The following RPS6KC1 variants were observed in gnomAD, a reference collection of about 807,000 sequenced individuals.
The protein encoded by RPS6KC1 is inactive ribosomal protein S6 kinase delta-1.
RPS6KC1 carries 54 observed loss-of-function variants against 103.8 expected under a neutral mutation model. The ratio of observed to expected loss-of-function variants is 0.52; its 90% confidence interval spans 0.42 to 0.65. The LOEUF (loss-of-function observed/expected upper bound fraction) is 0.65. Among genes scored for constraint, RPS6KC1 ranks in the 30% least tolerant of loss-of-function variants. The probability of loss-of-function intolerance (pLI) is 0.00; values close to 1 mark genes in which losing one functional copy is unlikely to be tolerated. For synonymous variants in RPS6KC1, 439 were observed against 438.7 expected (o/e 1.00, Z -0.01); for missense variants, 1,151 against 1,253.8 (o/e 0.92, Z 1.24).
chr1:213,148,339 G>C (rs2088138753), intron 6 of RPS6KC1, among the ~76,000 whole-genome samples: 1 of 152,184 alleles, frequency 6.6e-6, no homozygotes. Flanking sequence ...TTATTAGGTT[G>C]AGGTGTGTTC....
the RPS6KC1 span, among the ~76,000 whole-genome samples, chr1:213,428,533 T>TTC: frequency 1.4e-5 from 1 of 73,814 alleles, no homozygotes; most frequent in Non-Finnish European, 2.9e-5. Flanking sequence ...TCTCTCTCTC[T>TTC]CTCTCTCTTT....
chr1:213,337,530 G>A, the RPS6KC1 span, among the ~76,000 whole-genome samples: 1 of 152,288 alleles, frequency 6.6e-6, no homozygotes, highest in Middle Eastern at 3.4e-3. Flanking sequence ...GGAGGTACGG[G>A]CAGCAGATGG....
At chr1:213,344,058 C>T in the RPS6KC1 span, among the ~76,000 whole-genome samples, 1 of 152,074 alleles carries the variant, frequency 6.6e-6, no homozygotes, top group Admixed American at 6.6e-5. Context: ...TCCCACATAG[C>T]TTTTCTAAAC....
chr1:213,820,650 G>A, the RPS6KC1 span: 1 of 152,130 alleles, frequency 6.6e-6, no homozygotes, highest in Non-Finnish European at 1.5e-5. Context: ...ATTGGAGAAG[G>A]CCCAGAAATA....
the RPS6KC1 span, among the ~76,000 whole-genome samples, chr1:213,831,884 C>T: frequency 6.0e-3 from 918 of 152,298 alleles, 9 homozygotes; most frequent in African/African-American, 0.021. Context: ...ACAGTGTCAG[C>T]CCCTACCTGG....
chr1:213,215,476 T>G (rs1304489671), intron 8 of RPS6KC1, among the ~76,000 whole-genome samples: 2 of 152,156 alleles, frequency 1.3e-5, no homozygotes. Flanking sequence ...CCAGGAGAAC[T>G]TCCCCAATCT....
At chr1:213,809,765 A>C in the RPS6KC1 span, among the ~76,000 whole-genome samples, 1 of 152,216 alleles carries the variant, frequency 6.6e-6, no homozygotes, top group Non-Finnish European at 1.5e-5. Context: ...CATACATCAG[A>C]GATCATGGTA....
At chr1:213,213,955 C>T (rs562180271) in intron 8 of RPS6KC1, among the ~76,000 whole-genome samples, 65 of 152,306 alleles carry the variant, frequency 4.3e-4, no homozygotes, top group African/African-American at 9.9e-4. Flanking sequence ...ATGAGCGACG[C>T]GGAAGACGAA....
At chr1:213,337,390 G>A in the RPS6KC1 span, among the ~76,000 whole-genome samples, 2 of 152,196 alleles carry the variant, frequency 1.3e-5, no homozygotes, top group Non-Finnish European at 2.9e-5. Context: ...TCTCTCCTCT[G>A]TAAATGAAGG....
the RPS6KC1 span, among the ~76,000 whole-genome samples, chr1:213,695,516 TAGA>T: frequency 4.3e-4 from 66 of 152,158 alleles, no homozygotes; most frequent in Non-Finnish European, 8.5e-4. Context: ...TGTCAGGAGA[TAGA>T]AGTGAGAAAG....
chr1:213,141,086 G>A (rs975564019), intron 6 of RPS6KC1, among the ~76,000 whole-genome samples: 2 of 151,816 alleles, frequency 1.3e-5, no homozygotes, highest in Non-Finnish European at 2.9e-5. Context: ...TAGTAGAGAC[G>A]GGGTTTCATC....
At chr1:213,580,700 G>C in the RPS6KC1 span, among the ~76,000 whole-genome samples, 8 of 152,002 alleles carry the variant, frequency 5.3e-5, no homozygotes, top group African/African-American at 1.9e-4. Context: ...CATCAACATA[G>C]AAGCAAGACC....
chr1:213,324,719 T>G, the RPS6KC1 span, among the ~76,000 whole-genome samples: 1 of 151,674 alleles, frequency 6.6e-6, no homozygotes, highest in Non-Finnish European at 1.5e-5. Context: ...TCATATCTAT[T>G]CCTACTAATC....
chr1:213,105,030 G>T (rs1440221934), intron 4 of RPS6KC1, among the ~76,000 whole-genome samples: 1 of 151,944 alleles, frequency 6.6e-6, no homozygotes, highest in African/African-American at 2.4e-5. Flanking sequence ...TTCAGTGGCA[G>T]ATTACTCTTG....
intron 6 of RPS6KC1, among the ~76,000 whole-genome samples, chr1:213,149,152 C>T (rs569986573): frequency 6.1e-4 from 93 of 151,944 alleles, no homozygotes; most frequent in African/African-American, 2.0e-3. Flanking sequence ...TGTATTATTT[C>T]ATTTCAGTTC....
At chr1:213,355,901 C>G in the RPS6KC1 span, among the ~76,000 whole-genome samples, 2 of 152,188 alleles carry the variant, frequency 1.3e-5, no homozygotes, top group Admixed American at 1.3e-4. Context: ...TAATCTTGGA[C>G]AGTTATTTAA....
chr1:213,860,908 A>T, the RPS6KC1 span, among the ~76,000 whole-genome samples: 1 of 151,870 alleles, frequency 6.6e-6, no homozygotes, highest in African/African-American at 2.4e-5. Flanking sequence ...TCCTGGGTTC[A>T]AGCGATTCTT....
intron 1 of RPS6KC1, among the ~76,000 whole-genome samples, chr1:213,063,946 A>C (rs1436570249): frequency 6.6e-6 from 1 of 152,110 alleles, no homozygotes; most frequent in Admixed American, 6.5e-5. Context: ...TTTTAAGATG[A>C]GTTGGTGATA....
chr1:213,661,206 A>T, the RPS6KC1 span, among the ~76,000 whole-genome samples: 1 of 152,158 alleles, frequency 6.6e-6, no homozygotes, highest in Non-Finnish European at 1.5e-5. Flanking sequence ...AATTATAAAT[A>T]AGTTGATAAC....
Sources: gnomAD v4.1 joint callset for allele counts (sites outside exome capture counted in the v4.1 genomes callset) on GRCh38, gnomAD v4.1.1 for gene constraint, MANE v1.5 for transcripts, NCBI Gene and HGNC (gene_info 2026-07-23, HGNC 2026-07-21) for gene names.